WDR24: variants seen among roughly 807,000 people sequenced by gnomAD.
The protein encoded by WDR24 is GATOR2 complex protein WDR24.
WDR24 carries 32 observed loss-of-function variants against 66.7 expected under a neutral mutation model. The observed-to-expected ratio is 0.48, with a 90% CI of 0.36 to 0.64. The LOEUF is 0.64. Ranked by LOEUF, WDR24 falls within the 30% of genes least tolerant of loss-of-function variation. The pLI is 0.00. For missense variants in WDR24, 978 were observed against 1,144.1 expected, an observed-to-expected ratio of 0.85 and a Z score of 2.09; for synonymous variants, 565 against 469.1, an observed-to-expected ratio of 1.20 and a Z score of -2.64.
Position 685,527 on chromosome 16 carries a change from G to A in WDR24, c.1749C>T (p.Pro583=), listed in dbSNP as rs2039886372. 1.9e-6 allele frequency: 3 copies of A among 1,588,332 alleles called. No individual in the cohort carries two copies. The highest frequency in any genetic ancestry group is 1.7e-5 in the Admixed American group (1 of 59,198). Residue 583 remains proline (P), a synonymous_variant, in exon 7 of 9, where the codon CCC becomes CCT. Transcript: ENST00000293883. ...CCTTGTCCTGCAGGTGCTCGGGCCC[G>A]GGAGGCGTGTCCACGATCTCGTGGC... ...PLRHEIVDTP[P]GPEHLQDKAD... is the part of the protein sequence containing the mutation.
rs1248167488 is a variant in WDR24 at position 685,079 on chromosome 16, C to T, written c.2117G>A (p.Ser706Asn). Residue 706 changes from serine to asparagine, a missense_variant, in exon 8 of 9, where the codon AGC becomes AAC. Physicochemically the swap from Ser to Asn is conservative, Grantham distance 46 (BLOSUM62 1). This residue lies in a region of WDR24 where 676 missense variants were observed against 617.5 expected (regional missense o/e 1.09). Transcript: ENST00000293883. ...VVKLSTSRAV[S>N]CLNQASTTLH... ...GGTGGTGGAGGCCTGGTTGAGGCAG[C>T]TGACGGCGCGGCTGGTGCTCAGCTT... 1.3e-6 allele frequency: 2 copies of T among 1,557,470 alleles called. No individual in the cohort carries two copies. Among genetic ancestry groups the T allele is most frequent in the Middle Eastern group, 1.7e-4 (1 of 6,000 alleles).
rs769845476 is a variant in WDR24 at position 685,617 on chromosome 16, G to T, written c.1679-20C>A. The T allele has an allele frequency of 8.1e-6, 13 of 1,606,152 alleles. No homozygotes were observed. The highest frequency in any genetic ancestry group is 1.0e-5 in the Non-Finnish European group (12 of 1,176,972). On this transcript the variant is annotated intron_variant, in intron 6 of 8. Transcript: ENST00000293883. ...CCTCGGCTGGAAGGCAGGGACCAGCGGAGGCTCTGAGTCTGTCCTCCATCC... is the reference window on the plus strand; with the variant it reads ...CCTCGGCTGGAAGGCAGGGACCAGCTGAGGCTCTGAGTCTGTCCTCCATCC...
intron 1 of WDR24, chr16:687,999 C>T (rs532561066): frequency 2.3e-4 from 144 of 633,728 alleles, no homozygotes; most frequent in Non-Finnish European, 3.9e-4. Context: ...CATCCTGCAT[C>T]GGTCCATGAG....
chr16:687,811 G>A lies in WDR24; in HGVS notation c.482-72C>T, dbSNP rs113262479. The stretch of plus-strand genomic sequence containing the variant: ...GAGGTGCGCCCTCAGAACAGCTGTG[G>A]CATGGTGTCACACACCTGCCTGTGG... On this transcript the variant is annotated intron_variant, in intron 1 of 8. Transcript: ENST00000293883. The A allele has an allele frequency of 1.2e-4, 184 of 1,550,622 alleles. No homozygotes were observed. In the African/African-American group the frequency reaches 2.3e-3, roughly 20 times the overall value.
At position 684,707 on chromosome 16, in the gene WDR24, G is replaced by T. The variant is rs1464308701; in HGVS notation, c.*27C>A. 2 of 1,555,686 alleles carry T rather than the reference G, an allele frequency of 1.3e-6. No individual in the cohort carries two copies. The highest frequency in any genetic ancestry group is 1.2e-5 in the South Asian group (1 of 85,174). On this transcript the variant is annotated 3_prime_UTR_variant, in exon 9 of 9. Transcript: ENST00000293883. ...ACCAGGCGGGGTTCTGCACGCGGCC[G>T]CCCGGGCAAGCCCAGCAGATGCCCC...
chr16:684,767 G>A lies in WDR24; in HGVS notation c.2340C>T (p.Pro780=), dbSNP rs2039864197. 1 of 1,600,096 alleles carries A rather than the reference G, an allele frequency of 6.2e-7. No individual in the cohort carries two copies. The highest frequency in any genetic ancestry group is 8.5e-7 in the Non-Finnish European group (1 of 1,175,080). ...MKWLEGSSHC[P]AGCGHLCEYS Reference sequence around the variant, plus strand: ...ACTCGCAGAGGTGGCCGCAGCCTGCGGGACAGTGGGAGCTGCCTTCCAGCC... The same window carrying A: ...ACTCGCAGAGGTGGCCGCAGCCTGCAGGACAGTGGGAGCTGCCTTCCAGCC... The change falls in exon 9 of 9, where the codon CCC becomes CCT. Residue 780 remains proline (P), a synonymous_variant. Transcript: ENST00000293883.
At chr16:687,512 G>C (rs761874293) in intron 2 of WDR24, 50 bp downstream of exon 2, 1 of 1,598,916 alleles carries the variant, frequency 6.3e-7, no homozygotes, top group Non-Finnish European at 8.5e-7. Flanking sequence ...TGGATCTGAG[G>C]CAGTGAGAGC....
rs1219091671 is a variant in WDR24 at position 684,749 on chromosome 16, G to A, written c.2358C>T (p.Leu786=). 3 of 1,598,986 alleles carry A rather than the reference G, an allele frequency of 1.9e-6. No individual in the cohort carries two copies. The highest frequency in any genetic ancestry group is 1.7e-5 in the Admixed American group (1 of 59,064). The change falls in exon 9 of 9, where the codon CTC becomes CTT. Residue 786 remains leucine (L), a synonymous_variant. Transcript: ENST00000293883. The stretch of plus-strand genomic sequence containing the variant: ...AGATGCCCCGTCAGGAGTACTCGCA[G>A]AGGTGGCCGCAGCCTGCGGGACAGT... ...SSHCPAGCGH[L]CEYS
chr16:685,084 G>A lies in WDR24; in HGVS notation c.2112C>T (p.Ala704=), dbSNP rs1157659983. ...NEVVKLSTSR[A]VSCLNQASTT... ...TGGAGGCCTGGTTGAGGCAGCTGAC[G>A]GCGCGGCTGGTGCTCAGCTTGACCA... Residue 704 remains alanine (A), a synonymous_variant, in exon 8 of 9, where the codon GCC becomes GCT. Transcript: ENST00000293883. 6.4e-7 allele frequency: 1 copy of A among 1,556,032 alleles called. No homozygotes were observed. Among genetic ancestry groups the A allele is most frequent in the Non-Finnish European group, 8.7e-7 (1 of 1,150,788 alleles).
At chr16:689,132 C>A (rs1465700341) in intron 1 of WDR24, 28 bp downstream of exon 1, 1 of 1,607,264 alleles carries the variant, frequency 6.2e-7, no homozygotes, top group East Asian at 2.2e-5. Flanking sequence ...AGACGCCCAC[C>A]TGCCCTGACC....
At position 685,501 on chromosome 16, in the gene WDR24, G is replaced by A. The variant is rs778642406; in HGVS notation, c.1775C>T (p.Ala592Val). The change falls in exon 7 of 9, where the codon GCC becomes GTC. Residue 592 changes from alanine (A) to valine (V), a missense_variant. This residue lies in a region of WDR24 where 676 missense variants were observed against 617.5 expected (regional missense o/e 1.09). Transcript: ENST00000293883. ...GCTGCCGCTCACGTGCGGGGAGTCG[G>A]CCTTGTCCTGCAGGTGCTCGGGCCC... The part of the protein sequence containing the change: ...PPGPEHLQDK[A>V]DSPHVSGSEA... The A allele has an allele frequency of 4.4e-6, 7 of 1,596,430 alleles. No individual in the cohort carries two copies. The African/African-American group carries it at 6.7e-5, about 15-fold the overall frequency.
chr16:687,451 C>T (rs777112383), intron 2 of WDR24, 35 bp from the exon 3 acceptor site: 1 of 1,571,422 alleles, frequency 6.4e-7, no homozygotes, highest in Admixed American at 1.7e-5. Flanking sequence ...CCCTCAGTGG[C>T]CTTTCCTGCA....
At chr16:688,740 G>A (rs777820342) in intron 1 of WDR24, among the ~76,000 whole-genome samples, 30 of 152,246 alleles carry the variant, frequency 2.0e-4, no homozygotes, top group South Asian at 2.1e-4. Context: ...GGGCCCCAGG[G>A]CACTGGACAG....
rs777303370 is a variant in WDR24, at chr16:686,859, C to T, written c.1217G>A (p.Gly406Asp). The change falls in exon 3 of 9, where the codon GGC (glycine) becomes GAC (aspartate). Residue 406 changes from glycine (G) to aspartate (D), a missense_variant. By Grantham distance (94) the Gly-to-Asp change is moderately conservative (BLOSUM62 -1). Coordinates refer to ENST00000293883, the MANE Select transcript of WDR24 (RefSeq NM_032259.4). ...GTCCACAAACCAGCGCATGCCGCCG[C>T]CACCTGGCTCCGTCTCAAAGACACT... ...ALSVFETEPGGGGMRWFVDTA... is the reference protein window; with the variant it reads ...ALSVFETEPGDGGMRWFVDTA... 1 of 1,610,574 alleles carries T rather than the reference C, an allele frequency of 6.2e-7. No homozygotes were observed. Among genetic ancestry groups the T allele is most frequent in the African/African-American group, 1.3e-5 (1 of 75,072 alleles).
chr16:686,145 G>C lies in WDR24; in HGVS notation c.1374C>G (p.Ser458Arg), dbSNP rs1279987651. The C allele has an allele frequency of 1.3e-5, 21 of 1,613,020 alleles. No homozygotes were observed. The highest frequency in any genetic ancestry group is 1.7e-5 in the Non-Finnish European group (20 of 1,179,952). ...GGTTTGCAGTGGGCACTAGGCCAGG[G>C]CTGCAGTAGATGATCCGCAGCATGG... is the stretch of plus-strand genomic sequence containing the variant. ...TWTMLRIIYC[S>R]PGLVPTANLN... is the part of the protein sequence containing the mutation. Residue 458 changes from serine to arginine, a missense_variant, in exon 4 of 9, where the codon AGC becomes AGG. Around this residue, in one of 2 missense-constraint regions of WDR24, gnomAD observed 676 missense variants for 617.5 expected, o/e 1.09. Transcript: ENST00000293883.
chr16:685,795 T>C lies in WDR24; in HGVS notation c.1574-12A>G. 1 of 1,613,116 alleles carries C rather than the reference T, an allele frequency of 6.2e-7. No individual in the cohort carries two copies. The highest frequency in any genetic ancestry group is 8.5e-7 in the Non-Finnish European group (1 of 1,179,982). The stretch of plus-strand genomic sequence containing the variant: ...GGTTTCCTCGTTATCTGCCCGACAA[T>C]GGGGCGGGCATTCAGGGTCGTCTGG... On this transcript the variant is annotated splice_polypyrimidine_tract_variant and intron_variant, in intron 5 of 8. Transcript: ENST00000293883.
chr16:690,357 A>G lies in WDR24; in HGVS notation c.-717T>C, dbSNP rs1380427223. On this transcript the variant is annotated 5_prime_UTR_variant, in exon 1 of 9. Transcript: ENST00000293883. Reference sequence around the variant, plus strand: ...TCCCCCGCGCGAACCCCAATCTTTTACTAAAAGCGCACGGTTGTCCGGAAC... The same window carrying G: ...TCCCCCGCGCGAACCCCAATCTTTTGCTAAAAGCGCACGGTTGTCCGGAAC... 1 of 456,464 alleles carries G rather than the reference A, an allele frequency of 2.2e-6. No individual in the cohort carries two copies. Among genetic ancestry groups the G allele is most frequent in the Non-Finnish European group, 4.4e-6 (1 of 226,924 alleles). 28.3% of individuals were successfully genotyped at this position (456,464 alleles called of 1,614,324 possible).
Position 684,914 on chromosome 16 carries a change from C to A in WDR24, c.2205-12G>T. 2 of 56,932 alleles carry A rather than the reference C, an allele frequency of 3.5e-5. No homozygotes were observed. Among genetic ancestry groups the A allele is most frequent in the African/African-American group, 2.5e-4 (1 of 3,926 alleles). The allele number at this position is 56,932 out of a possible 1,614,324, so 3.5% of individuals were successfully genotyped here. On this transcript the variant is annotated splice_polypyrimidine_tract_variant and intron_variant, in intron 8 of 8. Transcript: ENST00000293883. ...CGCAGCGGTGGCACCTGGGGGCGGG[C>A]GGGAGGGAGGGTGCCTCAGCGGGGG...
At chr16:686,315 C>G in intron 3 of WDR24, 129 bp from the exon 4 acceptor site, 1 of 1,056,202 alleles carries the variant, frequency 9.5e-7, no homozygotes. Context: ...CAGGCCCACC[C>G]CAGGTAGGAA....
Sources: gnomAD v4.1 joint callset for allele counts (sites outside exome capture counted in the v4.1 genomes callset) on GRCh38, gnomAD v4.1.1 for gene constraint, gnomAD v4.1.1 regional missense constraint, MANE v1.5 for transcripts, NCBI Gene and HGNC (gene_info 2026-07-23, HGNC 2026-07-21) for gene names.